Variants in HNRNPH3 observed in about 807,000 individuals in gnomAD.
HNRNPH3 encodes the protein heterogeneous nuclear ribonucleoprotein 2H9.
A neutral mutation model predicts 47.0 loss-of-function variants in HNRNPH3; 7 were observed. That is an observed-to-expected ratio of 0.15 (90% CI 0.08 to 0.28). The LOEUF (loss-of-function observed/expected upper bound fraction) is 0.28, where lower values mean the gene tolerates loss of function less well. Among genes scored for constraint, HNRNPH3 ranks in the 10% least tolerant of loss-of-function variants. The pLI is 1.00. For synonymous variants in HNRNPH3, 120 were observed against 143.2 expected (o/e 0.84, Z 1.16); for missense variants, 279 against 449.6 (o/e 0.62, Z 3.43).
At chr10:68,341,137 T>C in intron 6 of HNRNPH3, 37 bp from the exon 7 acceptor site, 1 of 1,420,050 alleles carries the variant, frequency 7.0e-7, no homozygotes, top group South Asian at 1.3e-5. Context: ...TTTAATATTC[T>C]CAATAGAAAA....
intron 3 of HNRNPH3, 161 bp from the exon 4 acceptor site, chr10:68,338,337 TATTTA>T (rs897408077): frequency 6.3e-6 from 3 of 477,866 alleles, no homozygotes; most frequent in African/African-American, 5.9e-5. Context: ...AAAACTTAAA[TATTTA>T]ATTAAGTTTG....
rs757218869 is a variant in HNRNPH3, at chr10:68,342,983, G to A, written c.*929G>A. The A allele has an allele frequency of 2.6e-5, 4 of 152,138 alleles. No homozygotes were observed. The highest frequency in any genetic ancestry group is 5.9e-5 in the Non-Finnish European group (4 of 68,000). The allele number at this position is 152,138 out of a possible 1,614,324, so 9.4% of individuals were successfully genotyped here. A position where few individuals can be genotyped will look rare whatever the true frequency, so the allele number is the denominator to read the frequency against. ...AAAAACAATCCTGCAGTTGGGTTTT[G>A]TATCTGATCCCTGCTTGGAGTTTTA... On this transcript the variant is annotated 3_prime_UTR_variant, in exon 10 of 10. Transcript: ENST00000265866.
chr10:68,338,074 T>G, intron 3 of HNRNPH3, 78 bp downstream of exon 3: 2 of 1,058,404 alleles, frequency 1.9e-6, no homozygotes, highest in Non-Finnish European at 2.7e-6. Flanking sequence ...AATGGGGGGG[T>G]AGCCATAACA....
chr10:68,341,889 T>G (rs370749252), intron 9 of HNRNPH3, 38 bp downstream of exon 9: 226 of 1,590,912 alleles, frequency 1.4e-4, no homozygotes, highest in Non-Finnish European at 1.9e-4. Context: ...AGTCCGCATA[T>G]GTAGTGCAAA....
At chr10:68,338,207 G>A in intron 3 of HNRNPH3, 1 of 464,676 alleles carries the variant, frequency 2.2e-6, no homozygotes, top group Non-Finnish European at 3.8e-6. Context: ...TTCTCTGTAG[G>A]ATGTTGTTGA....
At chr10:68,334,465 G>A (rs1041304836) in intron 1 of HNRNPH3, among the ~76,000 whole-genome samples, 5 of 152,076 alleles carry the variant, frequency 3.3e-5, no homozygotes, top group African/African-American at 1.2e-4. Flanking sequence ...TAAATGTACA[G>A]TTTAGTGGAT....
At chr10:68,335,426 A>AT (rs1029519976) in intron 1 of HNRNPH3, among the ~76,000 whole-genome samples, 26 of 126,092 alleles carry the variant, frequency 2.1e-4, no homozygotes, top group Middle Eastern at 4.5e-3. Context: ...GGTTGGTGCT[A>AT]TTTAAAAAAA....
At position 68,343,185 on chromosome 10, in the gene HNRNPH3, G is replaced by GAGAT. The variant is rs1166488175; in HGVS notation, c.*1133_*1136dup. ...ATGTTATTAATAAATGTCATTGTGG[G>GAGAT]AGATAATAGTATGGCGTCTGTCCTA... is the stretch of plus-strand genomic sequence containing the variant. On this transcript the variant is annotated 3_prime_UTR_variant, in exon 10 of 10. Coordinates refer to ENST00000265866, the MANE Select transcript of HNRNPH3 (RefSeq NM_012207.3). 4 of 152,178 alleles carry GAGAT rather than the reference G, an allele frequency of 2.6e-5. No individual in the cohort carries two copies. Among genetic ancestry groups the GAGAT allele is most frequent in the African/African-American group, 9.7e-5 (4 of 41,440 alleles). The allele number at this position is 152,178 out of a possible 1,614,324, so 9.4% of individuals were successfully genotyped here.
In HNRNPH3 at chr10:68,341,163, C is replaced by G. The variant is rs1257733828; in HGVS notation, c.640-11C>G. ...CAATAGAAAAGTAAATAAGTGTTTC[C>G]TTTTATTTAGTTCTTCTCACCACTA... On this transcript the variant is annotated splice_polypyrimidine_tract_variant and intron_variant, in intron 6 of 9. Transcript: ENST00000265866. 1 of 1,529,902 alleles carries G rather than the reference C, an allele frequency of 6.5e-7. No individual in the cohort carries two copies. The highest frequency in any genetic ancestry group is 8.8e-7 in the Non-Finnish European group (1 of 1,139,290). The allele number at this position is 1,529,902 out of a possible 1,614,324, so 94.8% of individuals were successfully genotyped here.
chr10:68,342,810 C>A lies in HNRNPH3; in HGVS notation c.*756C>A, dbSNP rs1345258200. 4 of 152,466 alleles carry A rather than the reference C, an allele frequency of 2.6e-5. No individual in the cohort carries two copies. The highest frequency in any genetic ancestry group is 9.7e-5 in the African/African-American group (4 of 41,396). The allele number at this position is 152,466 out of a possible 1,614,324, so 9.4% of individuals were successfully genotyped here. ...AGTAGGGTTAAGGTTCTCAGTGACA[C>A]AAGAATTCAGTATTAAGTACATAGG... On this transcript the variant is annotated 3_prime_UTR_variant, in exon 10 of 10. Coordinates refer to ENST00000265866, the MANE Select transcript of HNRNPH3 (RefSeq NM_012207.3).
chr10:68,338,754 A>C, intron 4 of HNRNPH3, 67 bp downstream of exon 4: 1 of 1,296,060 alleles, frequency 7.7e-7, no homozygotes, highest in South Asian at 1.6e-5. Flanking sequence ...TTTGTCAAGA[A>C]ATACAGAAAT....
At chr10:68,341,722 G>A (rs373884393) in intron 8 of HNRNPH3, 37 bp from the exon 9 acceptor site, 23 of 1,580,612 alleles carry the variant, frequency 1.5e-5, no homozygotes, top group Non-Finnish European at 1.8e-5. Context: ...GCTGCTTATC[G>A]ATGAGTCTCA....
At position 68,342,204 on chromosome 10, in the gene HNRNPH3, T is replaced by G; in HGVS notation, c.*150T>G. ...TATTTGGTAAAGCAACAGATTGTGA[T>G]GGGAAAATGTTTTCTGTAGGTTTAT... On this transcript the variant is annotated 3_prime_UTR_variant, in exon 10 of 10. Transcript: ENST00000265866. 1 of 564,128 alleles carries G rather than the reference T, an allele frequency of 1.8e-6. No homozygotes were observed. The allele number at this position is 564,128 out of a possible 1,614,324, so 34.9% of individuals were successfully genotyped here.
chr10:68,337,524 G>A lies in HNRNPH3; in HGVS notation c.112+191G>A, dbSNP rs1162761. ...GAATGTGTAGAATATGTAAAACCTA[G>A]TTAATGTGCAGTAACATATTTGAGA... On this transcript the variant is annotated intron_variant, in intron 2 of 9. Coordinates refer to ENST00000265866, the MANE Select transcript of HNRNPH3 (RefSeq NM_012207.3). This position sits in a 1 kb window ranked among gnomAD's most constrained non-coding sequence, Gnocchi z 4.5. 0.95 allele frequency: 532,327 copies of A among 559,356 alleles called. 253,574 individuals are homozygous for A. The highest frequency in any genetic ancestry group is 1 in the East Asian group (34,693 of 34,700). The allele number at this position is 559,356 out of a possible 1,614,324, so 34.6% of individuals were successfully genotyped here. A position where few individuals can be genotyped will look rare whatever the true frequency, so the allele number is the denominator to read the frequency against.
Position 68,342,304 on chromosome 10 carries a change from AC to A in HNRNPH3, c.*251del, listed in dbSNP as rs1222538938. ...TGTTGATACTTTTTATATACTAGTTACTCCTAAAGATGTGCTGCCTTCATAA... is the reference window on the plus strand; with the variant it reads ...TGTTGATACTTTTTATATACTAGTTATCCTAAAGATGTGCTGCCTTCATAA... On this transcript the variant is annotated 3_prime_UTR_variant, in exon 10 of 10. Coordinates refer to ENST00000265866, the MANE Select transcript of HNRNPH3 (RefSeq NM_012207.3). 2.7e-6 allele frequency: 1 copy of A among 371,078 alleles called. No homozygotes were observed. The highest frequency in any genetic ancestry group is 2.1e-5 in the African/African-American group (1 of 47,148). The allele number at this position is 371,078 out of a possible 1,614,324, so 23.0% of individuals were successfully genotyped here. A position where few individuals can be genotyped will look rare whatever the true frequency, so the allele number is the denominator to read the frequency against.
At chr10:68,340,369 T>G (rs1050993840) in intron 6 of HNRNPH3, among the ~76,000 whole-genome samples, 2 of 152,066 alleles carry the variant, frequency 1.3e-5, no homozygotes, top group Non-Finnish European at 2.9e-5. Context: ...ATATTAGTGA[T>G]TTGGTTTGGC....
chr10:68,337,568 GTGAATTAGTATA>G lies in HNRNPH3; in HGVS notation c.112+238_112+249del. On this transcript the variant is annotated intron_variant, in intron 2 of 9. Transcript: ENST00000265866. The surrounding 1 kb of genome is among the most constrained non-coding windows in gnomAD (Gnocchi z 4.5). ...TTTGAGAATTGTGATGAAATGAACCGTGAATTAGTATATGGAGCATATATTTGATTTTGTAGC... is the reference window on the plus strand; with the variant it reads ...TTTGAGAATTGTGATGAAATGAACCGTGGAGCATATATTTGATTTTGTAGC... 2 of 548,058 alleles carry G rather than the reference GTGAATTAGTATA, an allele frequency of 3.6e-6. No individual in the cohort carries two copies. Among genetic ancestry groups the G allele is most frequent in the Non-Finnish European group, 6.4e-6 (2 of 310,638 alleles). 33.9% of individuals were successfully genotyped at this position (548,058 alleles called of 1,614,324 possible). A position where few individuals can be genotyped will look rare whatever the true frequency, so the allele number is the denominator to read the frequency against.
Position 68,337,676 on chromosome 10 carries a change from A to C in HNRNPH3, c.113-182A>C, listed in dbSNP as rs985806230. ...CAGTGTTTTTACACTGGTCGCAAAA[A>C]ATTTATTTAATCCAGTAATATTTGA... On this transcript the variant is annotated intron_variant, in intron 2 of 9. Transcript: ENST00000265866. This position sits in a 1 kb window ranked among gnomAD's most constrained non-coding sequence, Gnocchi z 4.5. 1.2e-5 allele frequency: 7 copies of C among 568,070 alleles called. No individual in the cohort carries two copies. Among genetic ancestry groups the C allele is most frequent in the African/African-American group, 1.1e-4 (6 of 53,430 alleles). 35.2% of individuals were successfully genotyped at this position (568,070 alleles called of 1,614,324 possible).
Position 68,337,343 on chromosome 10 carries a change from GTAT to G in HNRNPH3, c.112+13_112+15del, listed in dbSNP as rs1275907272. On this transcript the variant is annotated intron_variant, in intron 2 of 9. Transcript: ENST00000265866. This position sits in a 1 kb window ranked among gnomAD's most constrained non-coding sequence, Gnocchi z 4.5. ...GTTCAGTTCTTTCAAGGTACCTCTA[GTAT>G]TAGTCAAAGTTTAGTAGTATTGTAA... The G allele has an allele frequency of 6.3e-6, 9 of 1,429,414 alleles. No individual in the cohort carries two copies. Among genetic ancestry groups the G allele is most frequent in the Non-Finnish European group, 7.9e-6 (8 of 1,012,962 alleles). 88.5% of individuals were successfully genotyped at this position (1,429,414 alleles called of 1,614,324 possible).
Sources: allele counts gnomAD v4.1 joint callset (sites outside exome capture counted in the v4.1 genomes callset), GRCh38; gene constraint gnomAD v4.1.1; non-coding constraint Gnocchi (gnomAD v3.1); transcripts MANE v1.5; gene names NCBI Gene and HGNC (gene_info 2026-07-23, HGNC 2026-07-21).